The following PAIP1 variants were observed in gnomAD, a reference collection of about 807,000 sequenced individuals.
PAIP1 encodes poly(A) binding protein interacting protein 1.
Under a neutral mutation model 61.3 loss-of-function variants are expected in PAIP1, and 16 were observed. The ratio of observed to expected loss-of-function variants is 0.26; its 90% CI spans 0.18 to 0.40. The LOEUF (loss-of-function observed/expected upper bound fraction) is 0.40, where lower values mean the gene tolerates loss of function less well. Ranked by LOEUF, PAIP1 falls within the 10% of genes least tolerant of loss-of-function variation. The pLI is 1.00. For synonymous variants in PAIP1, 187 were observed against 226.2 expected (o/e 0.83, Z 1.56); for missense variants, 416 against 600.9 (o/e 0.69, Z 3.22).
At chr5:43,539,877 T>C (rs1320450703) in intron 4 of PAIP1, among the ~76,000 whole-genome samples, 1 of 152,174 alleles carries the variant, frequency 6.6e-6, no homozygotes, top group East Asian at 1.9e-4. Flanking sequence ...AGTTTATCAT[T>C]TTGTTATTAA....
intron 2 of PAIP1, among the ~76,000 whole-genome samples, chr5:43,550,815 A>C (rs1317313910): frequency 1.4e-5 from 2 of 141,016 alleles, no homozygotes; most frequent in African/African-American, 5.5e-5. Flanking sequence ...TGGAAGACAC[A>C]TTCAGAAGTT....
intron 2 of PAIP1, among the ~76,000 whole-genome samples, chr5:43,548,980 G>A (rs903002728): frequency 1.3e-5 from 2 of 151,862 alleles, no homozygotes; most frequent in Non-Finnish European, 2.9e-5. Context: ...TTGTTCTGTC[G>A]CCCAGGCTGG....
intron 2 of PAIP1, among the ~76,000 whole-genome samples, chr5:43,549,060 CCT>C (rs1363447525): frequency 1.3e-5 from 2 of 152,146 alleles, no homozygotes; most frequent in African/African-American, 4.8e-5. Context: ...TGTACCTCAG[CCT>C]CTCAAGTAGC....
chr5:43,529,675 A>C, intron 10 of PAIP1, 111 bp downstream of exon 10: 1 of 724,490 alleles, frequency 1.4e-6, no homozygotes, highest in Middle Eastern at 4.0e-4. Flanking sequence ...TACAGGCACG[A>C]GCCACTGCGC....
chr5:43,545,208 G>A (rs10462051), intron 3 of PAIP1, among the ~76,000 whole-genome samples: 63,886 of 151,934 alleles, frequency 0.42, 15,872 homozygotes, highest in East Asian at 0.91. Context: ...ATCTTATTAC[G>A]GAAGTCTTTC....
Position 43,545,941 on chromosome 5 carries a change from G to A in PAIP1, c.621+1787C>T, listed in dbSNP as rs954444994. ...TGCACCACCAAGCCCAGCTAATTTTGTATTTTTTTTTAGTAGAGACAGGGT... is the reference window on the plus strand; with the variant it reads ...TGCACCACCAAGCCCAGCTAATTTTATATTTTTTTTTAGTAGAGACAGGGT... On this transcript the variant is annotated intron_variant, in intron 3 of 10. Coordinates refer to ENST00000306846, the MANE Select transcript of PAIP1 (RefSeq NM_006451.5). Among the ~76,000 whole-genome samples the A allele has an allele frequency of 5.9e-5, 9 of 151,878 alleles. 1 individual carries two copies. Among genetic ancestry groups the A allele is most frequent in the African/African-American group, 2.2e-4 (9 of 41,428 alleles).
chr5:43,554,280 C>T (rs1747979420), intron 2 of PAIP1, among the ~76,000 whole-genome samples: 1 of 152,214 alleles, frequency 6.6e-6, no homozygotes, highest in African/African-American at 2.4e-5. Flanking sequence ...AAATGGGAAC[C>T]TGCTTGTAGC....
intron 5 of PAIP1, among the ~76,000 whole-genome samples, chr5:43,537,257 A>G (rs1255475995): frequency 6.6e-6 from 1 of 152,184 alleles, no homozygotes; most frequent in East Asian, 1.9e-4. Flanking sequence ...ACAGCATTTT[A>G]TTCTGCTTTT....
chr5:43,541,837 TCA>T, intron 4 of PAIP1, among the ~76,000 whole-genome samples: 1 of 151,840 alleles, frequency 6.6e-6, no homozygotes, highest in Non-Finnish European at 1.5e-5. Flanking sequence ...TTGTGTAATT[TCA>T]AACACTGATT....
At chr5:43,527,543 ATAATG>A in intron 10 of PAIP1, 74 bp from the exon 11 acceptor site, 2 of 1,333,832 alleles carry the variant, frequency 1.5e-6, no homozygotes, top group Non-Finnish European at 2.1e-6. Flanking sequence ...CATGAAAAAA[ATAATG>A]TAATACAACT....
chr5:43,547,127 A>G (rs749067756), intron 3 of PAIP1, among the ~76,000 whole-genome samples: 6 of 151,778 alleles, frequency 4.0e-5, no homozygotes, highest in Non-Finnish European at 8.8e-5. Flanking sequence ...GTATAATGAA[A>G]CAATTTCAAC....
chr5:43,544,927 A>G (rs1346955570), intron 3 of PAIP1, among the ~76,000 whole-genome samples: 1 of 152,168 alleles, frequency 6.6e-6, no homozygotes, highest in East Asian at 1.9e-4. Context: ...CTCAACTTAC[A>G]GTTTCCCATC....
At position 43,556,841 on chromosome 5, in the gene PAIP1, C is replaced by G; in HGVS notation, c.6G>C (p.Ser2=). 4.9e-6 allele frequency: 7 copies of G among 1,439,338 alleles called. No homozygotes were observed. The highest frequency in any genetic ancestry group is 6.4e-6 in the Non-Finnish European group (7 of 1,098,232). 89.2% of individuals were successfully genotyped at this position (1,439,338 alleles called of 1,614,324 possible). A position where few individuals can be genotyped will look rare whatever the true frequency, so the allele number is the denominator to read the frequency against. The change falls in exon 1 of 11, where the codon TCG becomes TCC. Residue 2 remains serine (S), a synonymous_variant. Coordinates refer to ENST00000306846, the MANE Select transcript of PAIP1 (RefSeq NM_006451.5). M[S]DGFDRAPGAG... The stretch of plus-strand genomic sequence containing the variant: ...CACCTGGGGCCCGATCGAAACCGTC[C>G]GACATGCTCCTCCTCCTCCGCCTCC...
At chr5:43,529,142 AAG>A (rs1746833031) in intron 10 of PAIP1, among the ~76,000 whole-genome samples, 1 of 151,610 alleles carries the variant, frequency 6.6e-6, no homozygotes, top group African/African-American at 2.4e-5. Flanking sequence ...AAAAAAAAAA[AAG>A]ACTCAACAGG....
chr5:43,555,752 C>G (rs1244666724), intron 2 of PAIP1, 78 bp downstream of exon 2: 59 of 1,284,120 alleles, frequency 4.6e-5, no homozygotes, highest in Non-Finnish European at 6.4e-5. Flanking sequence ...AAAGCACAAA[C>G]ATACTCTGAT....
At chr5:43,532,634 AAACTCAAAGGTT>A (rs1410395299) in intron 9 of PAIP1, among the ~76,000 whole-genome samples, 1 of 152,230 alleles carries the variant, frequency 6.6e-6, no homozygotes, top group Non-Finnish European at 1.5e-5. Flanking sequence ...GTTCACATTA[AAACTCAAAGGTT>A]CTACATGACA....
chr5:43,540,484 A>G (rs937542912), intron 4 of PAIP1, among the ~76,000 whole-genome samples: 1 of 152,228 alleles, frequency 6.6e-6, no homozygotes, highest in African/African-American at 2.4e-5. Flanking sequence ...GTGAAAAGTC[A>G]AATTTTTAAG....
At chr5:43,537,091 G>A in intron 5 of PAIP1, 147 bp from the exon 6 acceptor site, 1 of 508,272 alleles carries the variant, frequency 2.0e-6, no homozygotes, top group Non-Finnish European at 3.5e-6. Context: ...CACAGAATTT[G>A]TTAGAATTAC....
At chr5:43,539,474 C>T (rs1049990751) in intron 4 of PAIP1, among the ~76,000 whole-genome samples, 5 of 151,498 alleles carry the variant, frequency 3.3e-5, no homozygotes, top group South Asian at 2.1e-4. Flanking sequence ...CACACACACA[C>T]ACACACACAC....
Sources: gnomAD v4.1 joint callset for allele counts (sites outside exome capture counted in the v4.1 genomes callset) on GRCh38, gnomAD v4.1.1 for gene constraint, MANE v1.5 for transcripts, NCBI Gene and HGNC (gene_info 2026-07-23, HGNC 2026-07-21) for gene names.